The following LPIN1 variants were observed in gnomAD, a reference collection of about 807,000 sequenced individuals.
The protein encoded by LPIN1 is lipin 1.
LPIN1 carries 71 observed loss-of-function variants against 107.5 expected under a neutral mutation model. That is an observed-to-expected ratio of 0.66 (90% CI 0.55 to 0.80). LPIN1 has a LOEUF of 0.80. LPIN1 is among the 30% of genes least tolerant of loss of function. The probability of loss-of-function intolerance (pLI) is 0.00; values close to 1 mark genes in which losing one functional copy is unlikely to be tolerated. For missense variants in LPIN1, 1,043 were observed against 1,160.6 expected (o/e 0.90, Z 1.47); for synonymous variants, 445 against 452.6 (o/e 0.98, Z 0.21).
chr2:11,770,381 A>G (rs1671651157), intron 3 of LPIN1, among the ~76,000 whole-genome samples: 1 of 152,084 alleles, frequency 6.6e-6, no homozygotes, highest in South Asian at 2.1e-4. Context: ...ACTGCTTGGT[A>G]CTGCATGTGC....
chr2:11,703,838 A>C (rs977349427), intron 1 of LPIN1, among the ~76,000 whole-genome samples: 8 of 152,230 alleles, frequency 5.3e-5, no homozygotes, highest in African/African-American at 1.7e-4. Context: ...TTATTTTATT[A>C]TAGCTCATGA....
chr2:11,742,266 C>G (rs528707602), upstream of LPIN1: 4 of 152,326 alleles, frequency 2.6e-5, no homozygotes, highest in Non-Finnish European at 4.4e-5. Context: ...CGTATTTTTA[C>G]TATACCTCTT....
rs1023771851 is a variant in LPIN1, at chr2:11,786,613, C to G, written c.1550-461C>G. Among the ~76,000 whole-genome samples, 2 of 152,154 alleles carry G rather than the reference C, an allele frequency of 1.3e-5. No homozygotes were observed. Among genetic ancestry groups the G allele is most frequent in the African/African-American group, 4.8e-5 (2 of 41,436 alleles). On this transcript the variant is annotated intron_variant, in intron 10 of 20. Coordinates refer to ENST00000674199, the MANE Select transcript of LPIN1 (RefSeq NM_001349206.2). The surrounding 1 kb of genome is among the most constrained non-coding windows in gnomAD (Gnocchi z 4.1). ...GCTTTCTATTTACGACATTATCAGT[C>G]CCCATGACCACCCTAGGAAGCAGAT...
rs139675516 is a variant in LPIN1, at chr2:11,741,294, C to T, written c.-71-55C>T. 1,213 of 1,247,266 alleles carry T rather than the reference C, an allele frequency of 9.7e-4. 9 individuals are homozygous for T. The African/African-American group carries it at 0.016, about 17-fold the overall frequency. 77.3% of individuals were successfully genotyped at this position (1,247,266 alleles called of 1,614,324 possible). A position where few individuals can be genotyped will look rare whatever the true frequency, so the allele number is the denominator to read the frequency against. On this transcript the variant is annotated intron_variant, in intron 1 of 21. Transcript: ENST00000396097. ...AGGATGGCCTGGTCATTTTCATTCT[C>T]GAGAGACACTGGAGAGAAAAAGAAC... is the stretch of plus-strand genomic sequence containing the variant.
intron 1 of LPIN1, among the ~76,000 whole-genome samples, chr2:11,699,491 C>T (rs1455750541): frequency 3.3e-5 from 5 of 151,928 alleles, no homozygotes; most frequent in East Asian, 1.9e-4. Context: ...GACACCAGAA[C>T]GCTCACCTTT....
rs77658863 is a variant in LPIN1, at chr2:11,762,380, C to T, written c.-9-3153C>T. 9.3e-3 allele frequency among the ~76,000 whole-genome samples: 1,254 copies of T among 134,180 alleles called. 24 individuals carry two copies. The highest frequency in any genetic ancestry group is 0.038 in the East Asian group (153 of 4,058). The allele number at this position is 134,180 out of a possible 152,430, so 88.0% of individuals were successfully genotyped here. On this transcript the variant is annotated intron_variant, in intron 1 of 20. Transcript: ENST00000674199. ...ACAAAGGCGAGATTGATTAACTCAT[C>T]GGCCATTGATTACACTTAATCTCCC... is the stretch of plus-strand genomic sequence containing the variant.
chr2:11,827,158 A>G lies in LPIN1; in HGVS notation c.*2367A>G, dbSNP rs887684925. On this transcript the variant is annotated 3_prime_UTR_variant, in exon 21 of 21. Transcript: ENST00000674199. The surrounding 1 kb of genome is among the most constrained non-coding windows in gnomAD (Gnocchi z 4.1). ...ATGTTTGTCACATGTGATGAAGACAAATATGTATACCTGGCATAGAGAAAA... is the reference window on the plus strand; with the variant it reads ...ATGTTTGTCACATGTGATGAAGACAGATATGTATACCTGGCATAGAGAAAA... 1 of 152,682 alleles carries G rather than the reference A, an allele frequency of 6.5e-6. No individual in the cohort carries two copies. Among genetic ancestry groups the G allele is most frequent in the African/African-American group, 2.4e-5 (1 of 41,466 alleles). 9.5% of individuals were successfully genotyped at this position (152,682 alleles called of 1,614,324 possible).
chr2:11,790,860 T>C (rs1675598839), intron 12 of LPIN1, among the ~76,000 whole-genome samples: 1 of 152,260 alleles, frequency 6.6e-6, no homozygotes, highest in Non-Finnish European at 1.5e-5. Context: ...TACTTACTAC[T>C]CTTCTGCCTG....
At chr2:11,767,711 C>T (rs935561296) in intron 2 of LPIN1, 52 bp from the exon 3 acceptor site, 9 of 1,189,574 alleles carry the variant, frequency 7.6e-6, no homozygotes, top group African/African-American at 6.0e-5. Context: ...CATGAGGTCT[C>T]CTGTCCTGGT....
intron 13 of LPIN1, among the ~76,000 whole-genome samples, chr2:11,792,789 A>C (rs1019025149): frequency 4.1e-4 from 63 of 152,148 alleles, no homozygotes; most frequent in African/African-American, 1.5e-3. Context: ...GTTCATGTCT[A>C]TGAGTGCCTG....
rs917702175 is a variant in LPIN1 at position 11,687,947 on chromosome 2, C to T, written c.81+10219C>T. Among the ~76,000 whole-genome samples, 8 of 152,362 alleles carry T rather than the reference C, an allele frequency of 5.3e-5. No homozygotes were observed. In the South Asian group the frequency reaches 1.0e-3, roughly 20 times the overall value. The stretch of plus-strand genomic sequence containing the variant: ...AACCCAACCTGTGCTTGACTCATCA[C>T]GCCCTCCGGGCTCTGGGACTGAAGC... On this transcript the variant is annotated intron_variant, in intron 1 of 21. Coordinates refer to the LPIN1 transcript ENST00000449576.
chr2:11,749,213 C>A (rs1236766531), intron 1 of LPIN1, among the ~76,000 whole-genome samples: 1 of 152,168 alleles, frequency 6.6e-6, no homozygotes, highest in Non-Finnish European at 1.5e-5. Flanking sequence ...GGCCCAGGTG[C>A]CTATCGGATG....
At chr2:11,748,933 C>T (rs902726401) in intron 1 of LPIN1, among the ~76,000 whole-genome samples, 1 of 152,162 alleles carries the variant, frequency 6.6e-6, no homozygotes, top group Non-Finnish European at 1.5e-5. Context: ...TTTGCACTTG[C>T]ACTTCCTCAC....
At position 11,804,478 on chromosome 2, in the gene LPIN1, A is replaced by G; in HGVS notation, c.2069A>G (p.Gln690Arg). ...PNDVVFSVTTQYQGTCRCEGT... is the reference protein window; with the variant it reads ...PNDVVFSVTTRYQGTCRCEGT... ...GACGTGGTTTTCAGTGTCACCACGC[A>G]GTACCAAGGCACGTGCCGCTGTGAG... The change falls in exon 16 of 21, where the codon CAG becomes CGG. Residue 690 changes from glutamine to arginine, a missense_variant. Transcript: ENST00000674199. The G allele has an allele frequency of 6.2e-7, 1 of 1,614,246 alleles. No individual in the cohort carries two copies. Among genetic ancestry groups the G allele is most frequent in the Admixed American group, 1.7e-5 (1 of 60,030 alleles).
chr2:11,787,031 T>G (rs367656209), intron 10 of LPIN1, 43 bp from the exon 11 acceptor site: 6 of 1,410,992 alleles, frequency 4.3e-6, no homozygotes, highest in Non-Finnish European at 4.0e-6. Flanking sequence ...TGAACTGAAT[T>G]TTCTTTTTGT....
At position 11,825,379 on chromosome 2, in the gene LPIN1, C is replaced by A. The variant is rs1682241981; in HGVS notation, c.*588C>A. ...CTTGGCCTTGTGGATGGGCCCCTTA[C>A]AGTATTTGCTGACTAGTCTCATTTT... is the stretch of plus-strand genomic sequence containing the variant. On this transcript the variant is annotated 3_prime_UTR_variant, in exon 21 of 21. Transcript: ENST00000674199. This position sits in a 1 kb window ranked among gnomAD's most constrained non-coding sequence, Gnocchi z 4.1. 1 of 154,726 alleles carries A rather than the reference C, an allele frequency of 6.5e-6. No individual in the cohort carries two copies. Among genetic ancestry groups the A allele is most frequent in the South Asian group, 2.0e-4 (1 of 4,916 alleles). 9.6% of individuals were successfully genotyped at this position (154,726 alleles called of 1,614,324 possible).
At chr2:11,684,567 G>T (rs1661899975) in intron 1 of LPIN1, among the ~76,000 whole-genome samples, 1 of 152,186 alleles carries the variant, frequency 6.6e-6, no homozygotes, top group Admixed American at 6.5e-5. Context: ...CTGACCCGTG[G>T]TGAACAAAGA....
chr2:11,691,354 G>A (rs1483395715), intron 1 of LPIN1, among the ~76,000 whole-genome samples: 9 of 152,130 alleles, frequency 5.9e-5, no homozygotes, highest in Admixed American at 5.9e-4. Context: ...TCCCTCTATT[G>A]CCTTGGCCCT....
intron 1 of LPIN1, among the ~76,000 whole-genome samples, chr2:11,693,315 C>T (rs1024450312): frequency 2.0e-5 from 3 of 151,590 alleles, no homozygotes; most frequent in African/African-American, 7.3e-5. Flanking sequence ...TGCAGCCAGG[C>T]TTGGGAAACA....
Sources: gnomAD v4.1 joint callset for allele counts (sites outside exome capture counted in the v4.1 genomes callset) on GRCh38, gnomAD v4.1.1 for gene constraint, Gnocchi (gnomAD v3.1) non-coding constraint, MANE v1.5 for transcripts, NCBI Gene and HGNC (gene_info 2026-07-23, HGNC 2026-07-21) for gene names.